RNGTT: variants seen among roughly 807,000 people sequenced by gnomAD.
RNGTT encodes RNA guanylyltransferase and 5'-phosphatase.
Under a neutral mutation model 79.3 loss-of-function variants are expected in RNGTT, and 33 were observed. The observed-to-expected ratio is 0.42, with a 90% CI of 0.32 to 0.56. The LOEUF is 0.56. Ranked by LOEUF, RNGTT falls within the 20% of genes least tolerant of loss-of-function variation. The pLI is 0.17. For synonymous variants in RNGTT, 222 were observed against 235.9 expected, an observed-to-expected ratio of 0.94 and a Z score of 0.54; for missense variants, 497 against 739.1, an observed-to-expected ratio of 0.67 and a Z score of 3.80.
intron 14 of RNGTT, among the ~76,000 whole-genome samples, chr6:88,650,578 C>A (rs192552190): frequency 1.1e-4 from 16 of 152,182 alleles, no homozygotes; most frequent in Middle Eastern, 3.4e-3. Flanking sequence ...TTCACTGAAT[C>A]TAGCGTGATG....
At chr6:88,789,501 A>G (rs1193542404) in intron 12 of RNGTT, among the ~76,000 whole-genome samples, 1 of 152,218 alleles carries the variant, frequency 6.6e-6, no homozygotes, top group East Asian at 1.9e-4. Context: ...CGGAGGTTGC[A>G]GTGAGCCGAG....
At chr6:88,908,985 G>A (rs148824571) in intron 4 of RNGTT, among the ~76,000 whole-genome samples, 51 of 152,204 alleles carry the variant, frequency 3.4e-4, no homozygotes, top group African/African-American at 1.1e-3. Flanking sequence ...ACTTCCCCAG[G>A]ACTCAAGCAC....
intron 11 of RNGTT, among the ~76,000 whole-genome samples, chr6:88,817,420 C>G (rs1780346641): frequency 6.7e-6 from 1 of 148,464 alleles, no homozygotes; most frequent in Non-Finnish European, 1.5e-5. Flanking sequence ...GGTGTGAGGA[C>G]CGCTTGAAGC....
chr6:88,697,618 A>C (rs367763907), intron 13 of RNGTT, among the ~76,000 whole-genome samples: 6 of 151,804 alleles, frequency 4.0e-5, no homozygotes, highest in African/African-American at 1.5e-4. Flanking sequence ...TAATCCCAGC[A>C]CTTTGGAGGT....
intron 13 of RNGTT, among the ~76,000 whole-genome samples, chr6:88,719,137 A>G (rs13215384): frequency 0.01 from 1,573 of 152,316 alleles, 17 homozygotes; most frequent in Non-Finnish European, 0.017. Flanking sequence ...GGCAAATTCA[A>G]TAGCCTTAGA....
chr6:88,952,862 A>G (rs1785300694), intron 1 of RNGTT, among the ~76,000 whole-genome samples: 1 of 152,154 alleles, frequency 6.6e-6, no homozygotes, highest in African/African-American at 2.4e-5. Context: ...CAGAAGAGCA[A>G]TAACAATCAC....
chr6:88,641,751 G>A (rs1177723422), intron 14 of RNGTT, among the ~76,000 whole-genome samples: 2 of 152,138 alleles, frequency 1.3e-5, no homozygotes, highest in African/African-American at 2.4e-5. Flanking sequence ...TTGAGTAAAG[G>A]CAGCAGACTC....
intron 14 of RNGTT, among the ~76,000 whole-genome samples, chr6:88,676,778 T>A (rs1774891830): frequency 6.6e-6 from 1 of 152,156 alleles, no homozygotes; most frequent in African/African-American, 2.4e-5. Context: ...AATACTTCAC[T>A]AGAGAAGATA....
At chr6:88,686,273 T>C (rs1037040874) in intron 13 of RNGTT, among the ~76,000 whole-genome samples, 4 of 151,592 alleles carry the variant, frequency 2.6e-5, no homozygotes, top group African/African-American at 4.8e-5. Context: ...TTGCAAGAAA[T>C]TTAAGAAAAC....
At chr6:88,689,983 T>C (rs138182794) in intron 13 of RNGTT, among the ~76,000 whole-genome samples, 4 of 152,158 alleles carry the variant, frequency 2.6e-5, no homozygotes. Context: ...CCCCCTTCAC[T>C]ACCAACATAT....
intron 11 of RNGTT, among the ~76,000 whole-genome samples, chr6:88,805,506 C>T (rs9362564): frequency 0.19 from 29,605 of 152,092 alleles, 3,568 homozygotes; most frequent in African/African-American, 0.33. Flanking sequence ...GGGAATAAAT[C>T]CATATGCAGC....
intron 12 of RNGTT, among the ~76,000 whole-genome samples, chr6:88,774,624 T>C (rs1460961031): frequency 6.6e-6 from 1 of 152,216 alleles, no homozygotes; most frequent in Non-Finnish European, 1.5e-5. Context: ...ATACATATAT[T>C]ATCCAAATAT....
chr6:88,880,813 A>G (rs1782673022), intron 8 of RNGTT, among the ~76,000 whole-genome samples: 1 of 152,208 alleles, frequency 6.6e-6, no homozygotes, highest in Non-Finnish European at 1.5e-5. Context: ...CTAAGTCTTC[A>G]TCACTTTCAA....
chr6:88,694,987 A>G (rs2756354), intron 13 of RNGTT, among the ~76,000 whole-genome samples: 6,258 of 152,174 alleles, frequency 0.041, 424 homozygotes, highest in African/African-American at 0.14. Context: ...TAAATTGCCC[A>G]GTCTGTGGTA....
At chr6:88,867,716 A>G (rs1782220881) in intron 8 of RNGTT, among the ~76,000 whole-genome samples, 1 of 152,208 alleles carries the variant, frequency 6.6e-6, no homozygotes, top group Non-Finnish European at 1.5e-5. Flanking sequence ...GAAAAGAAAA[A>G]CTAAGTATGA....
intron 8 of RNGTT, among the ~76,000 whole-genome samples, chr6:88,873,055 A>C (rs1353902970): frequency 3.3e-5 from 5 of 152,174 alleles, no homozygotes; most frequent in Non-Finnish European, 7.4e-5. Context: ...AGAAACTGAA[A>C]CAGGGTGGGA....
chr6:88,737,676 G>A (rs1249074901), intron 13 of RNGTT, among the ~76,000 whole-genome samples: 1 of 152,156 alleles, frequency 6.6e-6, no homozygotes, highest in Non-Finnish European at 1.5e-5. Flanking sequence ...CTTGTGCCAT[G>A]TGAATACACA....
At chr6:88,876,948 A>T (rs34525829) in intron 8 of RNGTT, among the ~76,000 whole-genome samples, 14,484 of 152,280 alleles carry the variant, frequency 0.095, 880 homozygotes, top group Middle Eastern at 0.2. Flanking sequence ...CATTTCAAAG[A>T]CAGTATCTCT....
intron 13 of RNGTT, among the ~76,000 whole-genome samples, chr6:88,749,034 A>T (rs1391785911): frequency 1.3e-5 from 2 of 152,162 alleles, no homozygotes; most frequent in Non-Finnish European, 2.9e-5. Context: ...AGCAACAAGG[A>T]AAGTCAGAAG....
Sources: allele counts gnomAD v4.1 joint callset (sites outside exome capture counted in the v4.1 genomes callset), GRCh38; gene constraint gnomAD v4.1.1; transcripts MANE v1.5; gene names NCBI Gene and HGNC (gene_info 2026-07-23, HGNC 2026-07-21).